The following PTPRN2 variants were observed in gnomAD, a reference collection of about 807,000 sequenced individuals.
The protein encoded by PTPRN2 is protein tyrosine phosphatase receptor type N2, also known as receptor-type tyrosine-protein phosphatase N2.
A neutral mutation model predicts 118.8 loss-of-function variants in PTPRN2; 74 were observed. The observed-to-expected ratio is 0.62, with a 90% CI of 0.52 to 0.76. The LOEUF is 0.76. PTPRN2 is among the 30% of genes least tolerant of loss of function. PTPRN2 has a pLI of 0.00. For missense variants in PTPRN2, 1,481 were observed against 1,394.4 expected, an observed-to-expected ratio of 1.06 and a Z score of -0.99; for synonymous variants, 641 against 608.0, an observed-to-expected ratio of 1.05 and a Z score of -0.80.
intron 2 of PTPRN2, among the ~76,000 whole-genome samples, chr7:158,326,462 A>C (rs1803529286): frequency 1.3e-5 from 2 of 152,242 alleles, no homozygotes. Context: ...ACACGTGTGC[A>C]CAATACACAA....
intron 12 of PTPRN2, among the ~76,000 whole-genome samples, chr7:157,709,389 G>C (rs1447964214): frequency 6.6e-6 from 1 of 152,170 alleles, no homozygotes; most frequent in African/African-American, 2.4e-5. Flanking sequence ...TGGTCCTCCT[G>C]CGGGTAGCTG....
At chr7:158,074,971 C>A (rs145140090) in intron 11 of PTPRN2, among the ~76,000 whole-genome samples, 3 of 152,222 alleles carry the variant, frequency 2.0e-5, no homozygotes, top group Non-Finnish European at 4.4e-5. Flanking sequence ...CCCCCACATG[C>A]GGCTCCTGGC....
intron 12 of PTPRN2, among the ~76,000 whole-genome samples, chr7:157,772,398 CAG>C (rs1388719698): frequency 3.9e-5 from 6 of 152,208 alleles, no homozygotes; most frequent in Admixed American, 2.6e-4. Flanking sequence ...CAGACACAAA[CAG>C]AGACACACAT....
chr7:158,206,249 G>GT (rs1827132113), intron 3 of PTPRN2, among the ~76,000 whole-genome samples: 1 of 152,294 alleles, frequency 6.6e-6, no homozygotes, highest in Admixed American at 6.5e-5. Context: ...CAGCCAAGTA[G>GT]GATAGGGCAC....
At chr7:158,445,522 C>G (rs1326175607) in intron 2 of PTPRN2, among the ~76,000 whole-genome samples, 1 of 152,244 alleles carries the variant, frequency 6.6e-6, no homozygotes, top group East Asian at 1.9e-4. Context: ...CTCTCGGGAA[C>G]AGGTCAGAGG....
Position 157,598,725 on chromosome 7 carries a change from C to T in PTPRN2, c.2419-3410G>A, listed in dbSNP as rs1019882879. On this transcript the variant is annotated intron_variant, in intron 16 of 22. Coordinates refer to ENST00000389418, the MANE Select transcript of PTPRN2 (RefSeq NM_002847.5). This position sits in a 1 kb window ranked among gnomAD's most constrained non-coding sequence, Gnocchi z 5.2. ...CCAAGCTGTCAGGCGGTCTGCGGCCCGTGAACACGCGTCCATGCTGTCCTC... is the reference window on the plus strand; with the variant it reads ...CCAAGCTGTCAGGCGGTCTGCGGCCTGTGAACACGCGTCCATGCTGTCCTC... Among the ~76,000 whole-genome samples the T allele has an allele frequency of 3.9e-5, 6 of 152,302 alleles. No homozygotes were observed. Among genetic ancestry groups the T allele is most frequent in the East Asian group, 1.9e-4 (1 of 5,182 alleles).
intron 12 of PTPRN2, among the ~76,000 whole-genome samples, chr7:157,816,494 C>T (rs558940591): frequency 4.6e-5 from 7 of 152,370 alleles, no homozygotes; most frequent in Admixed American, 3.9e-4. Context: ...CACCTCAGGA[C>T]GCTGCACTGG....
At chr7:158,468,516 C>T (rs762392245) in intron 2 of PTPRN2, among the ~76,000 whole-genome samples, 4 of 152,072 alleles carry the variant, frequency 2.6e-5, no homozygotes, top group Non-Finnish European at 4.4e-5. Context: ...TTCTGATTCA[C>T]TGGCGCCAGT....
intron 11 of PTPRN2, among the ~76,000 whole-genome samples, chr7:158,034,901 T>C (rs1248318024): frequency 6.6e-6 from 1 of 152,258 alleles, no homozygotes; most frequent in African/African-American, 2.4e-5. Context: ...TTTTGTGGGG[T>C]AGGCTTTGTG....
intron 2 of PTPRN2, among the ~76,000 whole-genome samples, chr7:158,470,829 A>T (rs2129444199): frequency 6.7e-6 from 1 of 149,818 alleles, no homozygotes; most frequent in Admixed American, 6.6e-5. Context: ...GATTTTATAG[A>T]TCACATGGAT....
intron 12 of PTPRN2, chr7:157,740,136 A>G (rs1800537084): frequency 1.3e-5 from 2 of 152,180 alleles, no homozygotes; most frequent in South Asian, 4.1e-4. Context: ...ACTTTATTTA[A>G]CCGTGTTGTA....
intron 2 of PTPRN2, among the ~76,000 whole-genome samples, chr7:158,372,700 C>T (rs928611142): frequency 1.3e-5 from 2 of 152,260 alleles, no homozygotes; most frequent in African/African-American, 4.8e-5. Context: ...CCCAAGACAG[C>T]CCCAGCATCT....
intron 2 of PTPRN2, among the ~76,000 whole-genome samples, chr7:158,329,774 G>A (rs979961417): frequency 2.0e-5 from 3 of 152,136 alleles, no homozygotes; most frequent in Non-Finnish European, 4.4e-5. Context: ...TGGCCTGGGA[G>A]TCGCAACCCA....
intron 2 of PTPRN2, among the ~76,000 whole-genome samples, chr7:158,446,492 G>A (rs144017611): frequency 0.015 from 2,212 of 151,094 alleles, 21 homozygotes; most frequent in Non-Finnish European, 0.021. Context: ...ATGGACACAC[G>A]GAGACCCACC....
intron 2 of PTPRN2, among the ~76,000 whole-genome samples, chr7:158,454,811 C>T (rs979735988): frequency 6.6e-6 from 1 of 152,156 alleles, no homozygotes; most frequent in African/African-American, 2.4e-5. Context: ...CCTCTTTTGG[C>T]CACTCTGTTG....
intron 9 of PTPRN2, among the ~76,000 whole-genome samples, chr7:158,123,107 ACT>A (rs1388197863): frequency 3.3e-5 from 5 of 152,028 alleles, no homozygotes; most frequent in Non-Finnish European, 7.4e-5. Flanking sequence ...TTTGATATAA[ACT>A]CTTTTGATAA....
intron 12 of PTPRN2, among the ~76,000 whole-genome samples, chr7:157,843,106 G>C (rs1349048936): frequency 6.6e-6 from 1 of 152,120 alleles, no homozygotes; most frequent in African/African-American, 2.4e-5. Context: ...ATCTTCCCAA[G>C]TCCACACCAA....
At chr7:158,193,403 C>T (rs551790486) in intron 4 of PTPRN2, among the ~76,000 whole-genome samples, 8 of 152,166 alleles carry the variant, frequency 5.3e-5, no homozygotes, top group East Asian at 1.9e-4. Flanking sequence ...TGCAGCCACA[C>T]GGAAAGGAAG....
At position 157,560,948 on chromosome 7, in the gene PTPRN2, A is replaced by G. The variant is rs1041017213; in HGVS notation, c.2902+7954T>C. Among the ~76,000 whole-genome samples the G allele has an allele frequency of 1.3e-5, 2 of 152,054 alleles. No homozygotes were observed. The highest frequency in any genetic ancestry group is 2.9e-5 in the Non-Finnish European group (2 of 67,990). ...ATCTGCAGAAGGCTGAGCCTCATGC[A>G]CCTGCACCTCCTTCTCTTGGTGCCT... On this transcript the variant is annotated intron_variant, in intron 21 of 22. Coordinates refer to ENST00000389418, the MANE Select transcript of PTPRN2 (RefSeq NM_002847.5). This position sits in a 1 kb window ranked among gnomAD's most constrained non-coding sequence, Gnocchi z 6.7.
Sources: gnomAD v4.1 joint callset for allele counts (sites outside exome capture counted in the v4.1 genomes callset) on GRCh38, gnomAD v4.1.1 for gene constraint, Gnocchi (gnomAD v3.1) non-coding constraint, MANE v1.5 for transcripts, NCBI Gene and HGNC (gene_info 2026-07-23, HGNC 2026-07-21) for gene names.